The following SUFU variants were observed in gnomAD, a reference collection of about 807,000 sequenced individuals.
SUFU encodes SUFU negative regulator of hedgehog signaling.
Under a neutral mutation model 58.9 loss-of-function variants are expected in SUFU, and 7 were observed. The observed-to-expected ratio is 0.12, with a 90% CI of 0.07 to 0.22. The LOEUF (loss-of-function observed/expected upper bound fraction) is 0.22, where lower values mean the gene tolerates loss of function less well. SUFU is among the 10% of genes least tolerant of loss of function. The pLI, the probability that SUFU is intolerant of heterozygous loss-of-function variation, is 1.00. For synonymous variants in SUFU, 232 were observed against 254.8 expected (o/e 0.91, Z 0.85); for missense variants, 451 against 641.3 (o/e 0.70, Z 3.20).
intron 3 of SUFU, among the ~76,000 whole-genome samples, chr10:102,582,466 A>G (rs1425329440): frequency 6.6e-6 from 1 of 152,158 alleles, no homozygotes; most frequent in Non-Finnish European, 1.5e-5. Context: ...GTCCAACTTC[A>G]AACCACCATA....
intron 10 of SUFU, among the ~76,000 whole-genome samples, chr10:102,622,196 G>A (rs1809090496): frequency 6.6e-6 from 1 of 152,204 alleles, no homozygotes; most frequent in Admixed American, 6.5e-5. Flanking sequence ...TGGTGGTGAA[G>A]CTACAGCCAC....
chr10:102,591,125 G>A (rs2063396044), intron 3 of SUFU: 1 of 152,218 alleles, frequency 6.6e-6, no homozygotes, highest in African/African-American at 2.4e-5. Flanking sequence ...CAACTGTTGA[G>A]ATTCCGAGAT....
chr10:102,507,995 T>G (rs1160897799), intron 1 of SUFU, among the ~76,000 whole-genome samples: 2 of 141,074 alleles, frequency 1.4e-5, no homozygotes, highest in Non-Finnish European at 3.0e-5. Context: ...AGACAAAGTC[T>G]CACTCTGTCA....
chr10:102,509,057 C>T (rs146626272), intron 1 of SUFU, 112 bp from the exon 2 acceptor site: 4 of 1,455,106 alleles, frequency 2.7e-6, no homozygotes, highest in Non-Finnish European at 9.6e-7. Context: ...AGTTACCTTT[C>T]ACCCAGGTTC....
At chr10:102,612,182 T>TGTGG (rs575551813) in intron 8 of SUFU, among the ~76,000 whole-genome samples, 145 of 46,320 alleles carry the variant, frequency 3.1e-3, no homozygotes, top group African/African-American at 0.011. Flanking sequence ...TGTGTGTGTG[T>TGTGG]GTGTGTGTGT....
Position 102,627,205 on chromosome 10 carries a change from ATGT to A in SUFU, c.1330_1332del (p.Leu444del). ...GTTGACCGAAGAGTTTGTAGAGAAA[ATGT>A]TGGAGGATTTAGAAGATTTGACTTC... On this transcript the variant is annotated inframe_deletion, in exon 11 of 12. Coordinates refer to ENST00000369902, the MANE Select transcript of SUFU (RefSeq NM_016169.4). 1 of 1,614,240 alleles carries A rather than the reference ATGT, an allele frequency of 6.2e-7. No homozygotes were observed. Among genetic ancestry groups the A allele is most frequent in the Non-Finnish European group, 8.5e-7 (1 of 1,180,030 alleles).
At position 102,573,063 on chromosome 10, in the gene SUFU, A is replaced by G; in HGVS notation, c.455-19519A>G. 5 of 804,966 alleles carry G rather than the reference A, an allele frequency of 6.2e-6. No homozygotes were observed. In the Admixed American group the frequency reaches 8.5e-5, roughly 14 times the overall value. 49.9% of individuals were successfully genotyped at this position (804,966 alleles called of 1,614,324 possible). A position where few individuals can be genotyped will look rare whatever the true frequency, so the allele number is the denominator to read the frequency against. Reference sequence around the variant, plus strand: ...TTCTGAGGGTACTTGGGCTGCCTCCAGAATCGCAGTGTCTTGGGCCGCTGG... The same window carrying G: ...TTCTGAGGGTACTTGGGCTGCCTCCGGAATCGCAGTGTCTTGGGCCGCTGG... On this transcript the variant is annotated intron_variant, in intron 3 of 11. Coordinates refer to ENST00000369902, the MANE Select transcript of SUFU (RefSeq NM_016169.4).
At chr10:102,503,040 T>C (rs2062270841), upstream of SUFU, among the ~76,000 whole-genome samples, 1 of 152,202 alleles carries the variant, frequency 6.6e-6, no homozygotes, top group Admixed American at 6.5e-5. Context: ...TGGTCGTAAT[T>C]CATGGATGTT....
rs201442723 is a variant in SUFU at position 102,577,080 on chromosome 10, CTTTTCTTTTT to C, written c.455-15497_455-15488del. Among the ~76,000 whole-genome samples the C allele has an allele frequency of 2.5e-3, 244 of 97,086 alleles. 6 individuals are homozygous for C. In the East Asian group the frequency reaches 0.054, roughly 22 times the overall value. 63.7% of individuals were successfully genotyped at this position (97,086 alleles called of 152,430 possible). On this transcript the variant is annotated intron_variant, in intron 3 of 11. Transcript: ENST00000369902. ...AGTAGAAGCATGTCCTGGATTTTTT[CTTTTCTTTTT>C]TTTTTTTTTTTGAGATGGAGTCTCA...
chr10:102,565,114 G>A (rs1281843926), intron 3 of SUFU, among the ~76,000 whole-genome samples: 2 of 152,152 alleles, frequency 1.3e-5, no homozygotes, highest in East Asian at 3.8e-4. Flanking sequence ...AATTATATTG[G>A]AACATAGCCA....
intron 3 of SUFU, among the ~76,000 whole-genome samples, chr10:102,573,863 G>T (rs1470560738): frequency 6.6e-6 from 1 of 152,084 alleles, no homozygotes; most frequent in African/African-American, 2.4e-5. Flanking sequence ...ACTGTATAGA[G>T]TTTCAGTTGG....
intron 3 of SUFU, among the ~76,000 whole-genome samples, chr10:102,588,784 C>T (rs914479026): frequency 1.3e-5 from 2 of 152,102 alleles, no homozygotes; most frequent in African/African-American, 4.8e-5. Context: ...TAGGTCTTCT[C>T]GAATTTCTTT....
intron 3 of SUFU, among the ~76,000 whole-genome samples, chr10:102,565,596 G>T (rs984366351): frequency 6.6e-6 from 1 of 152,204 alleles, no homozygotes; most frequent in African/African-American, 2.4e-5. Context: ...CCAGGCTGGA[G>T]TGCAGTGGCG....
Position 102,588,888 on chromosome 10 carries a change from T to TTTTC in SUFU, c.455-3691_455-3688dup, listed in dbSNP as rs568465155. On this transcript the variant is annotated intron_variant, in intron 3 of 11. Coordinates refer to ENST00000369902, the MANE Select transcript of SUFU (RefSeq NM_016169.4). ...TTTGATGCTACTGTGAAAGAATTGT[T>TTTTC]TTTCTTACTTTCATTTTTTATTTTG... Among the ~76,000 whole-genome samples the TTTTC allele has an allele frequency of 2.6e-5, 4 of 152,332 alleles. No individual in the cohort carries two copies. In the South Asian group the frequency reaches 8.3e-4, roughly 32 times the overall value.
intron 2 of SUFU, among the ~76,000 whole-genome samples, chr10:102,530,802 C>T (rs577976651): frequency 9.2e-5 from 14 of 151,920 alleles, no homozygotes; most frequent in South Asian, 2.1e-4. Flanking sequence ...GGGAAGGAAA[C>T]GAGGTAATAT....
intron 3 of SUFU, among the ~76,000 whole-genome samples, chr10:102,564,129 T>C (rs1223994732): frequency 6.6e-6 from 1 of 152,150 alleles, no homozygotes; most frequent in Non-Finnish European, 1.5e-5. Context: ...GCCCTGCAGG[T>C]GAGTAAAGGA....
rs534338767 is a variant in SUFU, at chr10:102,514,504, G to C, written c.317+5201G>C. ...TTAAGAAGCCATTTCTGAAGTTGGA[G>C]AGATGGAACAAGTTCCAGGTCTGGG... is the stretch of plus-strand genomic sequence containing the variant. On this transcript the variant is annotated intron_variant, in intron 2 of 11. Transcript: ENST00000369902. 6.6e-5 allele frequency among the ~76,000 whole-genome samples: 10 copies of C among 152,344 alleles called. No individual in the cohort carries two copies. The East Asian group carries it at 1.5e-3, about 24-fold the overall frequency.
intron 3 of SUFU, among the ~76,000 whole-genome samples, chr10:102,580,063 G>A (rs2063260180): frequency 7.9e-6 from 1 of 126,632 alleles, no homozygotes; most frequent in Admixed American, 9.2e-5. Context: ...TTGCTTTGTT[G>A]TTTTTTCTTT....
chr10:102,623,783 T>C (rs2063762502), intron 10 of SUFU, among the ~76,000 whole-genome samples: 1 of 151,976 alleles, frequency 6.6e-6, no homozygotes, highest in Non-Finnish European at 1.5e-5. Flanking sequence ...CTACTAAAAA[T>C]ACAAAAATTA....
Sources: allele counts gnomAD v4.1 joint callset (sites outside exome capture counted in the v4.1 genomes callset), GRCh38; gene constraint gnomAD v4.1.1; transcripts MANE v1.5; gene names NCBI Gene and HGNC (gene_info 2026-07-23, HGNC 2026-07-21).